Variants in SPAG16 observed in about 807,000 individuals in gnomAD.
The protein encoded by SPAG16 is sperm-associated antigen 16 protein.
A neutral mutation model predicts 80.4 loss-of-function variants in SPAG16; 86 were observed. That is an observed-to-expected ratio of 1.07 (90% CI 0.90 to 1.28). The LOEUF (loss-of-function observed/expected upper bound fraction) is 1.28, where lower values mean the gene tolerates loss of function less well. Among genes scored for constraint, SPAG16 ranks in the 50% most tolerant of loss-of-function variants. The probability of loss-of-function intolerance (pLI) is 0.00; values close to 1 mark genes in which losing one functional copy is unlikely to be tolerated. For synonymous variants in SPAG16, 294 were observed against 265.9 expected, an observed-to-expected ratio of 1.11 and a Z score of -1.03; for missense variants, 870 against 765.3, an observed-to-expected ratio of 1.14 and a Z score of -1.61.
chr2:214,083,120 T>C (rs1248455139), intron 13 of SPAG16, among the ~76,000 whole-genome samples: 1 of 152,228 alleles, frequency 6.6e-6, no homozygotes, highest in African/African-American at 2.4e-5. Flanking sequence ...ACCTTGTCAA[T>C]AATACTACCA....
At chr2:214,069,501 G>C (rs989660211) in intron 13 of SPAG16, among the ~76,000 whole-genome samples, 3 of 152,132 alleles carry the variant, frequency 2.0e-5, no homozygotes, top group African/African-American at 7.2e-5. Flanking sequence ...CAAAAGCCTG[G>C]TCCAAGGATG....
intron 9 of SPAG16, among the ~76,000 whole-genome samples, chr2:213,418,797 G>C (rs959358230): frequency 9.8e-5 from 15 of 152,288 alleles, no homozygotes; most frequent in African/African-American, 3.1e-4. Context: ...AGATTACATG[G>C]ATATGTCCTC....
At chr2:214,106,469 T>G (rs114091572) in intron 13 of SPAG16, among the ~76,000 whole-genome samples, 3,622 of 152,256 alleles carry the variant, frequency 0.024, 103 homozygotes, top group South Asian at 0.15. Context: ...TAAATTTATG[T>G]GGGGAAATTT....
At chr2:213,679,931 T>A (rs1316002632) in intron 10 of SPAG16, among the ~76,000 whole-genome samples, 1 of 152,142 alleles carries the variant, frequency 6.6e-6, no homozygotes, top group Non-Finnish European at 1.5e-5. Context: ...GAGGGATTCT[T>A]GTTTTAGGAT....
intron 12 of SPAG16, among the ~76,000 whole-genome samples, chr2:213,933,790 A>G (rs1251339558): frequency 6.6e-6 from 1 of 152,206 alleles, no homozygotes; most frequent in Non-Finnish European, 1.5e-5. Context: ...GAAAATAAAG[A>G]AGGTTTAAGA....
At chr2:214,248,877 G>A (rs1042680549) in intron 15 of SPAG16, among the ~76,000 whole-genome samples, 2 of 152,110 alleles carry the variant, frequency 1.3e-5, no homozygotes, top group African/African-American at 2.4e-5. Context: ...AAACTGGAAC[G>A]ATCTGATGAT....
chr2:213,482,670 T>C (rs1385872389), intron 9 of SPAG16, among the ~76,000 whole-genome samples: 1 of 152,158 alleles, frequency 6.6e-6, no homozygotes, highest in Non-Finnish European at 1.5e-5. Flanking sequence ...GAACATGCAA[T>C]TTGAAATATC....
At chr2:214,374,678 G>T (rs559227439) in intron 15 of SPAG16, among the ~76,000 whole-genome samples, 10 of 152,134 alleles carry the variant, frequency 6.6e-5, no homozygotes, top group Non-Finnish European at 1.5e-4. Flanking sequence ...AATAATCAGG[G>T]ATCCCAAACA....
chr2:214,170,533 A>G (rs1245200430), intron 15 of SPAG16, among the ~76,000 whole-genome samples: 6 of 151,632 alleles, frequency 4.0e-5, no homozygotes, highest in Admixed American at 2.0e-4. Flanking sequence ...GCTGGGTTGT[A>G]TATACATAAA....
At chr2:213,715,955 C>G (rs564230971) in intron 10 of SPAG16, among the ~76,000 whole-genome samples, 1 of 151,866 alleles carries the variant, frequency 6.6e-6, no homozygotes, top group East Asian at 1.9e-4. Flanking sequence ...ACACAGTGCA[C>G]TATTGTATCT....
intron 11 of SPAG16, 28 bp downstream of exon 11, chr2:213,862,656 C>T: frequency 1.2e-6 from 2 of 1,611,962 alleles, no homozygotes; most frequent in Non-Finnish European, 1.7e-6. Context: ...CTAGAAATAG[C>T]CTAATCTCTC....
At chr2:213,813,083 G>T (rs1285511069) in intron 10 of SPAG16, among the ~76,000 whole-genome samples, 1 of 152,098 alleles carries the variant, frequency 6.6e-6, no homozygotes, top group African/African-American at 2.4e-5. Flanking sequence ...AGCCTTATAA[G>T]AATGTCACTC....
intron 13 of SPAG16, among the ~76,000 whole-genome samples, chr2:214,078,877 A>C (rs1021737421): frequency 6.6e-6 from 1 of 152,232 alleles, no homozygotes; most frequent in Non-Finnish European, 1.5e-5. Context: ...TTGGATTTCC[A>C]GAAACCATAC....
intron 15 of SPAG16, among the ~76,000 whole-genome samples, chr2:214,172,028 A>ACATAGAATT (rs1304019954): frequency 6.6e-6 from 1 of 151,856 alleles, no homozygotes; most frequent in Non-Finnish European, 1.5e-5. Flanking sequence ...AAAATATCTA[A>ACATAGAATT]CATAGAATTG....
intron 15 of SPAG16, among the ~76,000 whole-genome samples, chr2:214,344,569 T>C (rs911330203): frequency 6.6e-6 from 1 of 152,184 alleles, no homozygotes; most frequent in Non-Finnish European, 1.5e-5. Flanking sequence ...TTTTTAAAAA[T>C]AATGAAAATC....
At chr2:213,692,726 C>T (rs940712268) in intron 10 of SPAG16, among the ~76,000 whole-genome samples, 8 of 151,084 alleles carry the variant, frequency 5.3e-5, no homozygotes, top group African/African-American at 1.7e-4. Context: ...AGGAGAATGC[C>T]GTGAACCCGG....
intron 15 of SPAG16, among the ~76,000 whole-genome samples, chr2:214,296,201 C>A (rs1694120302): frequency 6.6e-6 from 1 of 152,186 alleles, no homozygotes; most frequent in Non-Finnish European, 1.5e-5. Context: ...TGGCCCCCAA[C>A]TTTACTCATG....
chr2:214,368,817 T>C (rs762722120), intron 15 of SPAG16, among the ~76,000 whole-genome samples: 1 of 152,152 alleles, frequency 6.6e-6, no homozygotes, highest in Non-Finnish European at 1.5e-5. Context: ...TGTAATTAGC[T>C]GAAACCCTTA....
intron 1 of SPAG16, among the ~76,000 whole-genome samples, chr2:213,292,556 T>C (rs1278847423): frequency 2.7e-5 from 4 of 147,864 alleles, no homozygotes; most frequent in South Asian, 4.3e-4. Flanking sequence ...CCCAGCTACT[T>C]GGGAGGCTGA....
Sources: gnomAD v4.1 joint callset for allele counts (sites outside exome capture counted in the v4.1 genomes callset) on GRCh38, gnomAD v4.1.1 for gene constraint, MANE v1.5 for transcripts, NCBI Gene and HGNC (gene_info 2026-07-23, HGNC 2026-07-21) for gene names.